The following CRTAC1 variants were observed in gnomAD, a reference collection of about 807,000 sequenced individuals.
CRTAC1 encodes acidic secreted protein in cartilage.
Under a neutral mutation model 67.8 loss-of-function variants are expected in CRTAC1, and 37 were observed. The ratio of observed to expected loss-of-function variants is 0.55; its 90% CI spans 0.42 to 0.72. The LOEUF (loss-of-function observed/expected upper bound fraction) is 0.72. Among genes scored for constraint, CRTAC1 ranks in the 30% least tolerant of loss-of-function variants. The pLI, the probability that CRTAC1 is intolerant of heterozygous loss-of-function variation, is 0.00. For missense variants in CRTAC1, 780 were observed against 931.6 expected (o/e 0.84, Z 2.12); for synonymous variants, 348 against 371.0 (o/e 0.94, Z 0.71).
intron 3 of CRTAC1, among the ~76,000 whole-genome samples, chr10:97,924,313 A>AG (rs2050882757): frequency 6.6e-6 from 1 of 152,178 alleles, no homozygotes; most frequent in Non-Finnish European, 1.5e-5. Context: ...TTCGTAGTTT[A>AG]GGGGGGTCCT....
chr10:97,873,879 C>A (rs2050118321), intron 14 of CRTAC1, among the ~76,000 whole-genome samples: 2 of 152,222 alleles, frequency 1.3e-5, no homozygotes, highest in South Asian at 4.1e-4. Flanking sequence ...CTCCTCTCTG[C>A]ACTCGGGACC....
chr10:97,937,693 C>T (rs1272100583), intron 2 of CRTAC1, among the ~76,000 whole-genome samples: 6 of 152,186 alleles, frequency 3.9e-5, no homozygotes, highest in Non-Finnish European at 7.3e-5. Flanking sequence ...ATGGAGAAAA[C>T]AAGGGCCCTG....
intron 2 of CRTAC1, among the ~76,000 whole-genome samples, chr10:98,002,935 C>T (rs1051821541): frequency 6.6e-6 from 1 of 150,864 alleles, no homozygotes; most frequent in African/African-American, 2.4e-5. Flanking sequence ...CCCGCCACCA[C>T]ACCCAGCTAA....
chr10:98,004,734 G>A (rs1265978002), intron 2 of CRTAC1, among the ~76,000 whole-genome samples: 1 of 151,806 alleles, frequency 6.6e-6, no homozygotes, highest in African/African-American at 2.4e-5. Context: ...ACATCTATAT[G>A]TTTGAACATA....
chr10:98,011,367 A>AACAATGCAG, intron 1 of CRTAC1, 30 bp from the exon 2 acceptor site: 1 of 1,611,836 alleles, frequency 6.2e-7, no homozygotes, highest in Non-Finnish European at 8.5e-7. Context: ...ATGTTACCGA[A>AACAATGCAG]AGAACCTGTA....
chr10:97,967,399 T>A (rs553207927), intron 2 of CRTAC1, among the ~76,000 whole-genome samples: 1 of 152,282 alleles, frequency 6.6e-6, no homozygotes. Context: ...CTTGTCCCAT[T>A]CCTAGAATCA....
rs559053035 is a variant in CRTAC1 at position 97,948,427 on chromosome 10, T to C, written c.225-12061A>G. ...ATGGGGCCACAGTGTGGATGGGTCA[T>C]TTAGGACAAAAAGTGCTCTGAAAGT... On this transcript the variant is annotated intron_variant, in intron 2 of 14. Transcript: ENST00000370597. Among the ~76,000 whole-genome samples the C allele has an allele frequency of 2.0e-5, 3 of 152,238 alleles. No homozygotes were observed. The East Asian group carries it at 5.8e-4, about 29-fold the overall frequency.
intron 6 of CRTAC1, among the ~76,000 whole-genome samples, chr10:97,906,761 C>T (rs908251013): frequency 1.3e-5 from 2 of 152,088 alleles, no homozygotes; most frequent in African/African-American, 2.4e-5. Context: ...TGGCAAAAAG[C>T]TGGGGGTGGG....
intron 2 of CRTAC1, among the ~76,000 whole-genome samples, chr10:98,000,052 C>G (rs1371502667): frequency 6.6e-6 from 1 of 152,180 alleles, no homozygotes; most frequent in Non-Finnish European, 1.5e-5. Flanking sequence ...AGGAGCTGCC[C>G]TATGGGAGAC....
intron 2 of CRTAC1, among the ~76,000 whole-genome samples, chr10:97,957,915 C>T (rs1193784915): frequency 2.0e-5 from 3 of 152,096 alleles, no homozygotes; most frequent in East Asian, 1.9e-4. Flanking sequence ...ACCTATGTGA[C>T]ATGGCTTTGA....
At chr10:98,017,634 A>G (rs1843025158) in intron 1 of CRTAC1, among the ~76,000 whole-genome samples, 1 of 151,962 alleles carries the variant, frequency 6.6e-6, no homozygotes, top group Admixed American at 6.6e-5. Flanking sequence ...CCTGGGCTCA[A>G]GCAATTGTCT....
At chr10:98,007,730 C>T (rs914821342) in intron 2 of CRTAC1, among the ~76,000 whole-genome samples, 6 of 152,120 alleles carry the variant, frequency 3.9e-5, no homozygotes, top group Non-Finnish European at 8.8e-5. Flanking sequence ...TTCTTGTTTC[C>T]GGAGGATGAC....
intron 2 of CRTAC1, among the ~76,000 whole-genome samples, chr10:97,987,108 CACAAGAAAAA>C (rs1374068436): frequency 6.6e-6 from 1 of 152,158 alleles, no homozygotes; most frequent in Non-Finnish European, 1.5e-5. Context: ...TTAAAGATAT[CACAAGAAAAA>C]ATATCTGAAA....
At chr10:97,917,710 A>C in intron 4 of CRTAC1, 54 bp from the exon 5 acceptor site, 1 of 1,401,542 alleles carries the variant, frequency 7.1e-7, no homozygotes, top group Non-Finnish European at 9.6e-7. Context: ...TCATCCCAGA[A>C]ACCGCCCCCT....
intron 5 of CRTAC1, among the ~76,000 whole-genome samples, chr10:97,911,239 T>C (rs1396145954): frequency 2.6e-5 from 4 of 152,186 alleles, no homozygotes; most frequent in African/African-American, 9.7e-5. Context: ...TTCCACATCC[T>C]CCAATTTCCT....
At chr10:97,891,299 A>T (rs141246644) in intron 11 of CRTAC1, among the ~76,000 whole-genome samples, 38 of 152,334 alleles carry the variant, frequency 2.5e-4, no homozygotes, top group Admixed American at 7.8e-4. Flanking sequence ...CAGAAAAAAA[A>T]AATTTCCCAA....
At chr10:97,900,236 CT>C (rs1365405439) in intron 8 of CRTAC1, among the ~76,000 whole-genome samples, 2 of 152,216 alleles carry the variant, frequency 1.3e-5, no homozygotes, top group Admixed American at 1.3e-4. Context: ...AACCCTTTTC[CT>C]TGTCTACCAG....
chr10:97,973,118 C>T (rs1347081707), intron 2 of CRTAC1, among the ~76,000 whole-genome samples: 2 of 152,122 alleles, frequency 1.3e-5, no homozygotes, highest in South Asian at 2.1e-4. Flanking sequence ...ATATTTCTTT[C>T]TAATTTTCCA....
At chr10:97,956,148 TTCCACATATTCCAAAACAGCTGCTTAAAG>T (rs1245982717) in intron 2 of CRTAC1, among the ~76,000 whole-genome samples, 1 of 152,208 alleles carries the variant, frequency 6.6e-6, no homozygotes, top group Non-Finnish European at 1.5e-5. Context: ...CACCAAGTTC[TTCCACATATTCCAAAACAGCTGCTTAAAG>T]CACAGGTTCT....
Sources: gnomAD v4.1 joint callset for allele counts (sites outside exome capture counted in the v4.1 genomes callset) on GRCh38, gnomAD v4.1.1 for gene constraint, MANE v1.5 for transcripts, NCBI Gene and HGNC (gene_info 2026-07-23, HGNC 2026-07-21) for gene names.